The following GRK3 variants were observed in gnomAD, a reference collection of about 807,000 sequenced individuals.
GRK3 encodes G protein-coupled receptor kinase 3.
GRK3 carries 54 observed loss-of-function variants against 95.7 expected under a neutral mutation model. The ratio of observed to expected loss-of-function variants is 0.56; its 90% CI spans 0.45 to 0.71. The LOEUF (loss-of-function observed/expected upper bound fraction) is 0.71. GRK3 is among the 30% of genes least tolerant of loss of function. GRK3 has a pLI of 0.00. For synonymous variants in GRK3, 281 were observed against 290.8 expected, an observed-to-expected ratio of 0.97 and a Z score of 0.34; for missense variants, 649 against 851.2, an observed-to-expected ratio of 0.76 and a Z score of 2.96.
rs1238301334 is a variant in GRK3, at chr22:25,727,185, T to A, written c.*4735T>A. 2.0e-5 allele frequency: 3 copies of A among 152,254 alleles called. No individual in the cohort carries two copies. The East Asian group carries it at 5.8e-4, about 29-fold the overall frequency. The allele number at this position is 152,254 out of a possible 1,614,324, so 9.4% of individuals were successfully genotyped here. A position where few individuals can be genotyped will look rare whatever the true frequency, so the allele number is the denominator to read the frequency against. On this transcript the variant is annotated 3_prime_UTR_variant, in exon 21 of 21. Transcript: ENST00000324198. ...AAAAATTTTTTTAAGTAATTAACCG[T>A]TTAAATTTTTTCCTAAAGATTTAAC...
intron 1 of GRK3, among the ~76,000 whole-genome samples, chr22:25,592,185 T>C (rs925708978): frequency 6.6e-6 from 1 of 152,202 alleles, no homozygotes; most frequent in African/African-American, 2.4e-5. Context: ...CTCTAATAGG[T>C]ATGTAGTGGA....
At chr22:25,635,143 G>A (rs780657012) in intron 2 of GRK3, among the ~76,000 whole-genome samples, 5 of 152,126 alleles carry the variant, frequency 3.3e-5, no homozygotes, top group Non-Finnish European at 5.9e-5. Flanking sequence ...TTTTGTTAAC[G>A]TGTGGCCCAA....
chr22:25,568,310 CT>C (rs200314860), intron 1 of GRK3, among the ~76,000 whole-genome samples: 15 of 149,912 alleles, frequency 1.0e-4, no homozygotes, highest in East Asian at 3.9e-4. Flanking sequence ...CTCTGTTACT[CT>C]TTTTTTTTTA....
chr22:25,672,484 G>A (rs1035387659), intron 7 of GRK3, 137 bp downstream of exon 7: 8 of 609,232 alleles, frequency 1.3e-5, no homozygotes, highest in African/African-American at 1.9e-5. Flanking sequence ...ACAGCTTTAA[G>A]TACTAAGCAT....
At chr22:25,633,377 A>T (rs904758461) in intron 2 of GRK3, among the ~76,000 whole-genome samples, 14 of 152,202 alleles carry the variant, frequency 9.2e-5, no homozygotes, top group African/African-American at 3.4e-4. Flanking sequence ...TTAAGTGTAT[A>T]GATTGATTTG....
intron 9 of GRK3, among the ~76,000 whole-genome samples, chr22:25,683,095 T>C (rs1251661374): frequency 4.6e-5 from 7 of 152,248 alleles, no homozygotes; most frequent in Non-Finnish European, 8.8e-5. Flanking sequence ...CTAAGAATGG[T>C]TTTTACATTT....
At chr22:25,628,823 C>A (rs1224891938) in intron 2 of GRK3, among the ~76,000 whole-genome samples, 2 of 152,144 alleles carry the variant, frequency 1.3e-5, no homozygotes, top group African/African-American at 2.4e-5. Flanking sequence ...GCACTTCCAT[C>A]TTGTGGCACT....
chr22:25,698,339 T>G (rs1386987989), intron 13 of GRK3, among the ~76,000 whole-genome samples: 1 of 152,118 alleles, frequency 6.6e-6, no homozygotes, highest in Non-Finnish European at 1.5e-5. Flanking sequence ...CTTTGAGGGA[T>G]AGGCAGTCTA....
intron 3 of GRK3, chr22:25,647,693 G>A: frequency 7.3e-7 from 1 of 1,371,872 alleles, no homozygotes; most frequent in Non-Finnish European, 1.0e-6. Context: ...TATATCCTGA[G>A]CAGTTATGTA....
chr22:25,662,209 T>C (rs113425449), intron 4 of GRK3, among the ~76,000 whole-genome samples: 3,421 of 152,322 alleles, frequency 0.022, 62 homozygotes, highest in Middle Eastern at 0.068. Context: ...AATTATTCTA[T>C]CAGGAGTAAC....
intron 1 of GRK3, among the ~76,000 whole-genome samples, chr22:25,571,196 G>A (rs41258474): frequency 0.024 from 3,656 of 152,168 alleles, 48 homozygotes; most frequent in East Asian, 0.037. Flanking sequence ...TGGGCCCCTC[G>A]TTTTCCTGTG....
intron 12 of GRK3, 38 bp from the exon 13 acceptor site, chr22:25,695,069 G>GC: frequency 6.7e-7 from 1 of 1,482,022 alleles, no homozygotes; most frequent in South Asian, 1.2e-5. Context: ...TCTAAAGTGG[G>GC]CATGCTCTGA....
intron 1 of GRK3, among the ~76,000 whole-genome samples, chr22:25,588,774 ATTTT>A (rs569905752): frequency 1.4e-3 from 202 of 139,880 alleles, no homozygotes; most frequent in African/African-American, 5.0e-3. Context: ...TAGTTCATTA[ATTTT>A]TTTTTTTTTT....
intron 3 of GRK3, chr22:25,648,991 C>G: frequency 1.9e-6 from 2 of 1,079,600 alleles, no homozygotes; most frequent in Non-Finnish European, 2.9e-6. Context: ...ATTCTACAGA[C>G]AGAACTGGTA....
intron 8 of GRK3, among the ~76,000 whole-genome samples, chr22:25,674,805 C>T (rs1047299592): frequency 6.6e-6 from 1 of 152,096 alleles, no homozygotes; most frequent in Non-Finnish European, 1.5e-5. Context: ...AAAAATTAGC[C>T]GGGCGCAGTG....
At chr22:25,573,555 A>G (rs961919339) in intron 1 of GRK3, among the ~76,000 whole-genome samples, 16 of 152,234 alleles carry the variant, frequency 1.1e-4, no homozygotes, top group Non-Finnish European at 1.9e-4. Flanking sequence ...AAAATATTTC[A>G]GGAAGAAAGT....
intron 4 of GRK3, among the ~76,000 whole-genome samples, chr22:25,662,595 C>T (rs566356454): frequency 3.3e-5 from 5 of 152,304 alleles, no homozygotes; most frequent in Non-Finnish European, 5.9e-5. Context: ...CTAAAGAGGA[C>T]GTCTCTTTCT....
At chr22:25,607,734 A>G (rs1222240992) in intron 2 of GRK3, among the ~76,000 whole-genome samples, 2 of 145,606 alleles carry the variant, frequency 1.4e-5, no homozygotes, top group Non-Finnish European at 3.0e-5. Flanking sequence ...GCACCACCAT[A>G]CCCAGCTAAT....
chr22:25,719,936 A>G (rs920080728), intron 19 of GRK3, among the ~76,000 whole-genome samples: 2 of 152,186 alleles, frequency 1.3e-5, no homozygotes, highest in Non-Finnish European at 2.9e-5. Flanking sequence ...CATTTCTTTG[A>G]AAAGAAAGAA....
Sources: allele counts gnomAD v4.1 joint callset (sites outside exome capture counted in the v4.1 genomes callset), GRCh38; gene constraint gnomAD v4.1.1; transcripts MANE v1.5; gene names NCBI Gene and HGNC (gene_info 2026-07-23, HGNC 2026-07-21).